SAMD3: variants seen among roughly 807,000 people sequenced by gnomAD.
SAMD3 encodes sterile alpha motif domain containing 3, also known as sterile alpha motif domain-containing protein 3.
A neutral mutation model predicts 58.5 loss-of-function variants in SAMD3; 63 were observed. The observed-to-expected ratio is 1.08, with a 90% CI of 0.88 to 1.33. The LOEUF is 1.33. Among genes scored for constraint, SAMD3 ranks in the 40% most tolerant of loss-of-function variants. The pLI, the probability that SAMD3 is intolerant of heterozygous loss-of-function variation, is 0.00. For missense variants in SAMD3, 604 were observed against 608.4 expected (o/e 0.99, Z 0.08); for synonymous variants, 220 against 210.3 (o/e 1.05, Z -0.40).
At chr6:130,319,523 T>A (rs1460364901) in intron 1 of SAMD3, among the ~76,000 whole-genome samples, 1 of 152,128 alleles carries the variant, frequency 6.6e-6, no homozygotes, top group Non-Finnish European at 1.5e-5. Context: ...AACAAAACTT[T>A]CAGCCTGTAA....
chr6:130,290,810 A>G (rs868290818), intron 2 of SAMD3, among the ~76,000 whole-genome samples: 2 of 152,356 alleles, frequency 1.3e-5, no homozygotes, highest in Middle Eastern at 6.8e-3. Flanking sequence ...TTTGGCTACT[A>G]TTAAACAAAA....
chr6:130,297,804 T>C (rs1389440445), intron 2 of SAMD3, among the ~76,000 whole-genome samples: 1 of 152,220 alleles, frequency 6.6e-6, no homozygotes, highest in African/African-American at 2.4e-5. Flanking sequence ...AACGCTGGTC[T>C]TTTGAATTCA....
At chr6:130,275,181 A>AT (rs1401712062) in intron 2 of SAMD3, among the ~76,000 whole-genome samples, 1 of 151,852 alleles carries the variant, frequency 6.6e-6, no homozygotes, top group East Asian at 1.9e-4. Flanking sequence ...TTATTTATTT[A>AT]TTTTTTCTCC....
At chr6:130,162,227 T>C in intron 8 of SAMD3, 2 of 700,986 alleles carry the variant, frequency 2.9e-6, no homozygotes, top group South Asian at 1.5e-5. Context: ...ACAGAGTTGG[T>C]TGTAATAGCA....
intron 2 of SAMD3, among the ~76,000 whole-genome samples, chr6:130,273,571 C>A (rs1010309293): frequency 1.3e-5 from 2 of 151,454 alleles, no homozygotes; most frequent in African/African-American, 4.8e-5. Context: ...GTTCTTTTTT[C>A]TCCTCTTGAT....
chr6:130,323,801 T>C (rs1265603619), intron 1 of SAMD3, among the ~76,000 whole-genome samples: 4 of 31,208 alleles, frequency 1.3e-4, no homozygotes, highest in Non-Finnish European at 4.5e-5. Flanking sequence ...AGACTCTGTC[T>C]CAAAAAAAAA....
chr6:130,283,810 T>C (rs965815809), intron 2 of SAMD3, among the ~76,000 whole-genome samples: 3 of 152,120 alleles, frequency 2.0e-5, no homozygotes, highest in Non-Finnish European at 2.9e-5. Flanking sequence ...GCAAAGAAAC[T>C]AGTAAACATG....
intron 7 of SAMD3, among the ~76,000 whole-genome samples, chr6:130,177,091 G>C (rs1791797521): frequency 6.6e-6 from 1 of 152,076 alleles, no homozygotes; most frequent in Non-Finnish European, 1.5e-5. Flanking sequence ...AATTTAGCCT[G>C]AATCAATTCC....
downstream of SAMD3, chr6:130,144,165 C>A: frequency 4.5e-6 from 1 of 222,964 alleles, no homozygotes; most frequent in Non-Finnish European, 8.7e-6. Context: ...TGTGCAGCTC[C>A]TGTGCATTAA....
At chr6:130,291,857 T>C (rs1480574447) in intron 2 of SAMD3, among the ~76,000 whole-genome samples, 1 of 152,204 alleles carries the variant, frequency 6.6e-6, no homozygotes, top group South Asian at 2.1e-4. Flanking sequence ...CCAATTTCGT[T>C]AGAGTCACAG....
At chr6:130,169,709 T>A (rs2114646502) in intron 8 of SAMD3, among the ~76,000 whole-genome samples, 1 of 152,270 alleles carries the variant, frequency 6.6e-6, no homozygotes. Flanking sequence ...AAGAGTGTAG[T>A]TCCATGAAGA....
chr6:130,155,086 G>T, intron 8 of SAMD3, 61 bp from the exon 9 acceptor site: 1 of 1,341,972 alleles, frequency 7.5e-7, no homozygotes, highest in Non-Finnish European at 1.1e-6. Context: ...TGAATTTCAG[G>T]CTGTTATTGC....
rs536815368 is a variant in SAMD3 at position 130,195,318 on chromosome 6, T to A, written c.384-10695A>T. ...TAAAACCTAATCACCTTTGCCCTGCTCAATGCCAAGATCCCATCCCACAGC... is the reference window on the plus strand; with the variant it reads ...TAAAACCTAATCACCTTTGCCCTGCACAATGCCAAGATCCCATCCCACAGC... On this transcript the variant is annotated intron_variant, in intron 5 of 11. Transcript: ENST00000439090. Among the ~76,000 whole-genome samples the A allele has an allele frequency of 3.3e-5, 5 of 152,248 alleles. No individual in the cohort carries two copies. The South Asian group carries it at 1.0e-3, about 32-fold the overall frequency.
intron 1 of SAMD3, among the ~76,000 whole-genome samples, chr6:130,324,866 A>G (rs968438534): frequency 6.6e-6 from 1 of 152,032 alleles, no homozygotes; most frequent in Admixed American, 6.6e-5. Context: ...TACACACAAG[A>G]ACAAATTCTT....
chr6:130,247,349 C>T (rs548799104), intron 2 of SAMD3, among the ~76,000 whole-genome samples: 5 of 152,106 alleles, frequency 3.3e-5, no homozygotes, highest in African/African-American at 1.2e-4. Flanking sequence ...CACCTGTAAA[C>T]CCAGCTACAT....
chr6:130,308,428 C>T (rs1285718893), intron 2 of SAMD3, among the ~76,000 whole-genome samples: 1 of 120,866 alleles, frequency 8.3e-6, no homozygotes, highest in Non-Finnish European at 1.9e-5. Context: ...CTATTCTATT[C>T]TATTCTATTC....
chr6:130,342,720 T>G lies in SAMD3; in HGVS notation c.-304+22400A>C, dbSNP rs139623248. On this transcript the variant is annotated intron_variant, in intron 1 of 13. Coordinates refer to the SAMD3 transcript ENST00000368134. ...TTGTTTAACCCAACACTTCATTGTG[T>G]GGTAAATTTTATATGTAACTCATTA... Among the ~76,000 whole-genome samples the G allele has an allele frequency of 3.9e-3, 595 of 152,310 alleles. 5 individuals are homozygous for G. Among genetic ancestry groups the G allele is most frequent in the Middle Eastern group, 0.01 (3 of 294 alleles).
At chr6:130,161,361 A>C (rs1038544265) in intron 8 of SAMD3, 6 of 152,316 alleles carry the variant, frequency 3.9e-5, no homozygotes, top group African/African-American at 1.2e-4. Flanking sequence ...TCTTTCATCT[A>C]CTGAAATATA....
chr6:130,214,557 A>G (rs772105284), intron 3 of SAMD3, 31 bp from the exon 4 acceptor site: 1 of 1,524,064 alleles, frequency 6.6e-7, no homozygotes, highest in African/African-American at 1.4e-5. Flanking sequence ...TAGTTTCTAC[A>G]TGACTTTCCG....
Sources: allele counts gnomAD v4.1 joint callset (sites outside exome capture counted in the v4.1 genomes callset), GRCh38; gene constraint gnomAD v4.1.1; transcripts MANE v1.5; gene names NCBI Gene and HGNC (gene_info 2026-07-23, HGNC 2026-07-21).